Variants in FAM149A observed in about 807,000 individuals in gnomAD.
FAM149A encodes the protein family with sequence similarity 149 member A, also known as protein FAM149A.
Under a neutral mutation model 78.2 loss-of-function variants are expected in FAM149A, and 71 were observed. The observed-to-expected ratio is 0.91, with a 90% CI of 0.75 to 1.11. The LOEUF is 1.11. Among genes scored for constraint, FAM149A ranks in the 50% least tolerant of loss-of-function variants. FAM149A has a pLI of 0.00. For missense variants in FAM149A, 1,036 were observed against 971.0 expected, an observed-to-expected ratio of 1.07 and a Z score of -0.89; for synonymous variants, 446 against 410.5, an observed-to-expected ratio of 1.09 and a Z score of -1.04.
intron 1 of FAM149A, chr4:186,123,717 C>A: frequency 4.2e-6 from 2 of 475,194 alleles, no homozygotes; most frequent in Non-Finnish European, 5.5e-6. Flanking sequence ...AGTCTTTCAT[C>A]TCTGGTCTAG....
intron 1 of FAM149A, chr4:186,124,228 T>G: frequency 1.0e-6 from 1 of 985,160 alleles, no homozygotes; most frequent in Non-Finnish European, 1.2e-6. Flanking sequence ...GGCTTTCGGT[T>G]TCTTGCCATT....
At chr4:186,153,553 C>T (rs1412940180) in intron 4 of FAM149A, 92 bp from the exon 5 acceptor site, 1 of 1,525,254 alleles carries the variant, frequency 6.6e-7, no homozygotes, top group Admixed American at 1.8e-5. Flanking sequence ...CATACACATG[C>T]CTTCAAAATC....
chr4:186,163,438 A>G lies in FAM149A; in HGVS notation c.1694A>G (p.Asp565Gly), dbSNP rs1386753540. 1 of 1,613,496 alleles carries G rather than the reference A, an allele frequency of 6.2e-7. No individual in the cohort carries two copies. The highest frequency in any genetic ancestry group is 1.3e-5 in the African/African-American group (1 of 74,900). The change falls in exon 10 of 14, where the codon GAC (aspartate) becomes GGC (glycine). Residue 565 changes from aspartate to glycine, a missense_variant. Asp to Gly is a moderately conservative substitution (Grantham distance 94, BLOSUM62 -1). Coordinates refer to ENST00000389354, the MANE Select transcript of FAM149A (RefSeq NM_001367768.3). ...TTCCTTCCCAGGAATGAGAAGGAGG[A>G]CAAAGCATCGGGTGGAGGGGCAGGT...
intron 1 of FAM149A, chr4:186,122,859 G>T (rs879282277): frequency 4.0e-6 from 2 of 496,510 alleles, no homozygotes; most frequent in Non-Finnish European, 2.6e-6. Context: ...AGACTAAGTG[G>T]TTCCTTAACA....
intron 1 of FAM149A, among the ~76,000 whole-genome samples, chr4:186,120,126 G>T (rs372081948): frequency 1.3e-5 from 2 of 152,140 alleles, no homozygotes; most frequent in Non-Finnish European, 2.9e-5. Context: ...TAAAGCCAGG[G>T]TTCTTAGCAT....
Position 186,155,999 on chromosome 4 carries a change from G to A in FAM149A, c.1230-1G>A. ...TAATTGGAGTGGGTTTTTATTCTTA[G>A]TGATGATGAATGTCTTGAACAAAAA... is the stretch of plus-strand genomic sequence containing the variant. On this transcript the variant is annotated splice_acceptor_variant, in intron 6 of 13. Coordinates refer to ENST00000389354, the MANE Select transcript of FAM149A (RefSeq NM_001367768.3). LOFTEE classifies it high-confidence loss of function. 2 of 1,609,462 alleles carry A rather than the reference G, an allele frequency of 1.2e-6. No individual in the cohort carries two copies. Among genetic ancestry groups the A allele is most frequent in the South Asian group, 1.1e-5 (1 of 89,764 alleles).
chr4:186,125,921 C>T (rs1579806751), intron 1 of FAM149A: 2 of 985,340 alleles, frequency 2.0e-6, no homozygotes, highest in East Asian at 2.3e-4. Flanking sequence ...TGCAGACTCG[C>T]ACTGGCAAGA....
chr4:186,112,259 T>C (rs1163036853), intron 1 of FAM149A, among the ~76,000 whole-genome samples: 1 of 151,340 alleles, frequency 6.6e-6, no homozygotes, highest in East Asian at 1.9e-4. Flanking sequence ...ATCCTGAGAC[T>C]TCGCTGAAGT....
intron 8 of FAM149A, chr4:186,158,235 C>T: frequency 7.9e-7 from 1 of 1,258,554 alleles, no homozygotes; most frequent in Non-Finnish European, 1.0e-6. Flanking sequence ...CAGACCCAGG[C>T]AGCCTTCCGG....
In FAM149A at chr4:186,172,043, T is replaced by C. The variant is rs1735580926; in HGVS notation, c.*56T>C. The C allele has an allele frequency of 1.3e-6, 2 of 1,581,100 alleles. No individual in the cohort carries two copies. Among genetic ancestry groups the C allele is most frequent in the South Asian group, 1.2e-5 (1 of 84,678 alleles). On this transcript the variant is annotated 3_prime_UTR_variant, in exon 14 of 14. Transcript: ENST00000389354. ...GTGGCCTCGGCACACTGCTTATCACTTGAAAAATGGAGGAACAAGTGTTAT... is the reference window on the plus strand; with the variant it reads ...GTGGCCTCGGCACACTGCTTATCACCTGAAAAATGGAGGAACAAGTGTTAT...
intron 1 of FAM149A, chr4:186,117,693 C>G (rs2150087139): frequency 1.0e-6 from 1 of 974,328 alleles, no homozygotes; most frequent in Non-Finnish European, 1.2e-6. Context: ...ACTGGGCTCT[C>G]TTTAGTAAAC....
intron 1 of FAM149A, among the ~76,000 whole-genome samples, chr4:186,117,079 T>A (rs774596747): frequency 3.5e-5 from 5 of 141,134 alleles, no homozygotes; most frequent in Non-Finnish European, 6.1e-5. Context: ...TTAATAATAA[T>A]GCCTATTCAA....
At chr4:186,129,778 T>G (rs951746307) in intron 1 of FAM149A, among the ~76,000 whole-genome samples, 2 of 152,200 alleles carry the variant, frequency 1.3e-5, no homozygotes, top group Admixed American at 6.5e-5. Flanking sequence ...AGACACCAGT[T>G]AAATAGAAGA....
At chr4:186,157,909 T>C (rs1734195086) in intron 8 of FAM149A, 190 bp downstream of exon 8, 1 of 1,533,636 alleles carries the variant, frequency 6.5e-7, no homozygotes, top group African/African-American at 1.4e-5. Flanking sequence ...CCTGGAGACC[T>C]GGACGTCCTG....
chr4:186,158,336 C>T, intron 8 of FAM149A: 1 of 1,205,630 alleles, frequency 8.3e-7, no homozygotes, highest in Non-Finnish European at 1.1e-6. Context: ...AACACAGATT[C>T]TCCTCTGTGC....
chr4:186,104,772 T>G lies in FAM149A; in HGVS notation c.-305T>G, dbSNP rs1398549563. Among the ~76,000 whole-genome samples, 146 of 117,562 alleles carry G rather than the reference T, an allele frequency of 1.2e-3. 1 individual carries two copies. Among genetic ancestry groups the G allele is most frequent in the Middle Eastern group, 4.8e-3 (1 of 210 alleles). 77.1% of individuals were successfully genotyped at this position (117,562 alleles called of 152,430 possible). On this transcript the variant is annotated 5_prime_UTR_variant, in exon 1 of 14. Transcript: ENST00000389354. ...CGGCGGGCGGCGGGCGGCGGGCGTCTGGGGCGGGCGGCGGCCGCGCTTCCC... is the reference window on the plus strand; with the variant it reads ...CGGCGGGCGGCGGGCGGCGGGCGTCGGGGGCGGGCGGCGGCCGCGCTTCCC...
chr4:186,132,947 G>A (rs1373991808), intron 1 of FAM149A: 1 of 983,828 alleles, frequency 1.0e-6, no homozygotes, highest in African/African-American at 1.7e-5. Flanking sequence ...CAGTGTGATG[G>A]TATTTGGAGA....
intron 3 of FAM149A, among the ~76,000 whole-genome samples, chr4:186,150,655 G>A (rs13128200): frequency 0.4 from 56,494 of 140,472 alleles, 11,899 homozygotes; most frequent in East Asian, 0.5. Flanking sequence ...TCCTGACCTC[G>A]TGATCCGCCC....
rs867201295 is a variant in FAM149A at position 186,125,684 on chromosome 4, G to C, written c.566+20042G>C. 5.8e-5 allele frequency: 57 copies of C among 983,848 alleles called. No individual in the cohort carries two copies. In the African/African-American group the frequency reaches 6.1e-4, roughly 11 times the overall value. The allele number at this position is 983,848 out of a possible 1,614,324, so 60.9% of individuals were successfully genotyped here. A position where few individuals can be genotyped will look rare whatever the true frequency, so the allele number is the denominator to read the frequency against. On this transcript the variant is annotated intron_variant, in intron 1 of 13. Transcript: ENST00000389354. ...AGCAGAGCGCTTGGCTGAAATATGG[G>C]GCTTAATAAATGTTGGGGAATTAAC...
Sources: allele counts gnomAD v4.1 joint callset (sites outside exome capture counted in the v4.1 genomes callset), GRCh38; gene constraint gnomAD v4.1.1; transcripts MANE v1.5; gene names NCBI Gene and HGNC (gene_info 2026-07-23, HGNC 2026-07-21).